Variants in SMOC2 observed in about 807,000 individuals in gnomAD.
SMOC2 encodes the protein SPARC related modular calcium binding 2.
SMOC2 carries 39 observed loss-of-function variants against 61.4 expected under a neutral mutation model. The observed-to-expected ratio is 0.64, with a 90% confidence interval of 0.49 to 0.83. The LOEUF (loss-of-function observed/expected upper bound fraction) is 0.83, where lower values mean the gene tolerates loss of function less well. Ranked by LOEUF, SMOC2 falls within the 40% of genes least tolerant of loss-of-function variation. The pLI, the probability that SMOC2 is intolerant of heterozygous loss-of-function variation, is 0.00. For synonymous variants in SMOC2, 247 were observed against 239.9 expected (o/e 1.03, Z -0.27); for missense variants, 556 against 592.9 (o/e 0.94, Z 0.65).
intron 11 of SMOC2, among the ~76,000 whole-genome samples, chr6:168,659,608 A>C (rs1787432721): frequency 6.7e-6 from 1 of 149,468 alleles, no homozygotes; most frequent in Non-Finnish European, 1.5e-5. Flanking sequence ...GTGAGGGTGG[A>C]GGTTGTAGGC....
At chr6:168,595,004 G>C (rs1428477039) in intron 7 of SMOC2, among the ~76,000 whole-genome samples, 2 of 96,334 alleles carry the variant, frequency 2.1e-5, no homozygotes, top group Non-Finnish European at 4.7e-5. Flanking sequence ...CATCTTTCTA[G>C]AGGATCGCCG....
intron 7 of SMOC2, among the ~76,000 whole-genome samples, chr6:168,574,456 G>T (rs928072214): frequency 2.0e-5 from 3 of 152,246 alleles, no homozygotes; most frequent in Admixed American, 1.3e-4. Context: ...AAATCCCTGG[G>T]AGAGTGAACC....
chr6:168,553,650 A>C lies in SMOC2; in HGVS notation c.637+4447A>C, dbSNP rs1784179534. Among the ~76,000 whole-genome samples the C allele has an allele frequency of 6.6e-6, 1 of 152,196 alleles. No homozygotes were observed. Among genetic ancestry groups the C allele is most frequent in the Admixed American group, 6.5e-5 (1 of 15,276 alleles). ...AGGGTTTCATGACCCATTCATAATAAAACACATCCCCTCTAGACAGAAAAG... is the reference window on the plus strand; with the variant it reads ...AGGGTTTCATGACCCATTCATAATACAACACATCCCCTCTAGACAGAAAAG... On this transcript the variant is annotated intron_variant, in intron 7 of 12. Coordinates refer to ENST00000356284, the MANE Select transcript of SMOC2 (RefSeq NM_001166412.2). This position sits in a 1 kb window ranked among gnomAD's most constrained non-coding sequence, Gnocchi z 4.2.
intron 7 of SMOC2, among the ~76,000 whole-genome samples, chr6:168,587,127 T>G (rs1047145870): frequency 3.9e-5 from 6 of 152,278 alleles, no homozygotes; most frequent in African/African-American, 1.4e-4. Flanking sequence ...ATTTAGGGTA[T>G]AATGCTATTG....
intron 9 of SMOC2, among the ~76,000 whole-genome samples, chr6:168,617,683 T>A (rs753362078): frequency 6.6e-6 from 1 of 152,212 alleles, no homozygotes; most frequent in Non-Finnish European, 1.5e-5. Flanking sequence ...TCCCCATCCA[T>A]GCAGCAAGAA....
intron 8 of SMOC2, among the ~76,000 whole-genome samples, chr6:168,606,165 C>G (rs2115198990): frequency 6.6e-6 from 1 of 152,304 alleles, no homozygotes; most frequent in South Asian, 2.1e-4. Context: ...TGTTTTACTT[C>G]TCACCTGCTG....
chr6:168,476,554 A>G lies in SMOC2; in HGVS notation c.85-33361A>G, dbSNP rs9456122. 4.2e-3 allele frequency among the ~76,000 whole-genome samples: 631 copies of G among 151,932 alleles called. 8 individuals are homozygous for G. Among genetic ancestry groups the G allele is most frequent in the African/African-American group, 0.014 (592 of 41,454 alleles). On this transcript the variant is annotated intron_variant, in intron 1 of 12. Coordinates refer to ENST00000356284, the MANE Select transcript of SMOC2 (RefSeq NM_001166412.2). Reference sequence around the variant, plus strand: ...ATATTCTATATTTGTATTTTAAAATATTTTGTTTGAAAATATATAACAGAT... The same window carrying G: ...ATATTCTATATTTGTATTTTAAAATGTTTTGTTTGAAAATATATAACAGAT...
intron 1 of SMOC2, among the ~76,000 whole-genome samples, chr6:168,478,435 G>A (rs1782137411): frequency 6.6e-6 from 1 of 152,216 alleles, no homozygotes; most frequent in Admixed American, 6.5e-5. Flanking sequence ...GGAGGTCAAT[G>A]TGGGTAAGCA....
intron 7 of SMOC2, among the ~76,000 whole-genome samples, chr6:168,550,174 C>T (rs1204675918): frequency 6.6e-6 from 1 of 152,132 alleles, no homozygotes; most frequent in Non-Finnish European, 1.5e-5. Flanking sequence ...AGGGAAGTAG[C>T]TCTGTAGGTT....
intron 1 of SMOC2, among the ~76,000 whole-genome samples, chr6:168,442,276 G>A (rs1192545091): frequency 6.6e-6 from 1 of 152,260 alleles, no homozygotes; most frequent in Non-Finnish European, 1.5e-5. Context: ...TGACCGCTGT[G>A]TGTTTTTCTT....
chr6:168,521,652 G>A (rs1037245442), intron 2 of SMOC2, among the ~76,000 whole-genome samples: 1 of 152,152 alleles, frequency 6.6e-6, no homozygotes, highest in Non-Finnish European at 1.5e-5. Flanking sequence ...ATTCTGGGAG[G>A]CGGGAGGATT....
Position 168,453,210 on chromosome 6 carries a change from C to T in SMOC2, c.84+11756C>T, listed in dbSNP as rs1181398388. On this transcript the variant is annotated intron_variant, in intron 1 of 12. Coordinates refer to ENST00000356284, the MANE Select transcript of SMOC2 (RefSeq NM_001166412.2). This position sits in a 1 kb window ranked among gnomAD's most constrained non-coding sequence, Gnocchi z 4.4. ...CTCAGGGTGGCCTGACAAATGCGGG[C>T]GGGGGTGGGGGAGGAACTCGGGACC... Among the ~76,000 whole-genome samples, 8 of 31,002 alleles carry T rather than the reference C, an allele frequency of 2.6e-4. No individual in the cohort carries two copies. The South Asian group carries it at 3.3e-3, about 13-fold the overall frequency. The allele number at this position is 31,002 out of a possible 152,430, so 20.3% of individuals were successfully genotyped here.
intron 9 of SMOC2, among the ~76,000 whole-genome samples, chr6:168,608,831 T>G (rs775158439): frequency 1.5e-4 from 23 of 152,226 alleles, no homozygotes; most frequent in Non-Finnish European, 2.8e-4. Flanking sequence ...TTGTTTCATT[T>G]TGATCTTTTT....
rs1784222278 is a variant in SMOC2, at chr6:168,555,318, G to A, written c.637+6115G>A. Among the ~76,000 whole-genome samples, 4 of 152,360 alleles carry A rather than the reference G, an allele frequency of 2.6e-5. No individual in the cohort carries two copies. The South Asian group carries it at 8.3e-4, about 32-fold the overall frequency. On this transcript the variant is annotated intron_variant, in intron 7 of 12. Transcript: ENST00000356284. ...AATTCACCCACTCTTGTCTCCACCC[G>A]TCAAATATCCGGGGTCCTGTGACCT...
intron 9 of SMOC2, among the ~76,000 whole-genome samples, chr6:168,642,362 T>G (rs917544937): frequency 2.0e-5 from 3 of 152,258 alleles, no homozygotes; most frequent in Non-Finnish European, 4.4e-5. Flanking sequence ...ACTCGGTGAC[T>G]GGCACAAGTG....
chr6:168,581,724 A>ATGGGTGATGTGAATGAT (rs1199867065), intron 7 of SMOC2, among the ~76,000 whole-genome samples: 1 of 152,146 alleles, frequency 6.6e-6, no homozygotes, highest in Non-Finnish European at 1.5e-5. Context: ...TTTAGGTGGG[A>ATGGGTGATGTGAATGAT]TGGGTGATGT....
chr6:168,533,402 C>G (rs1038712970), intron 4 of SMOC2, among the ~76,000 whole-genome samples: 6 of 152,204 alleles, frequency 3.9e-5, no homozygotes, highest in Admixed American at 3.9e-4. Context: ...TAGTAGTATC[C>G]TAAATGACTT....
chr6:168,447,950 T>G (rs746891491), intron 1 of SMOC2, among the ~76,000 whole-genome samples: 5 of 152,164 alleles, frequency 3.3e-5, no homozygotes, highest in Admixed American at 1.3e-4. Context: ...AAATCCACCC[T>G]GCATACCAGC....
In SMOC2 at chr6:168,653,152, C is replaced by T. The variant is rs1787239749; in HGVS notation, c.1209C>T (p.Ser403=). 6.2e-7 allele frequency: 1 copy of T among 1,614,152 alleles called. No homozygotes were observed. The highest frequency in any genetic ancestry group is 8.5e-7 in the Non-Finnish European group (1 of 1,180,030). The part of the protein sequence containing the change: ...VEYCDVNNDK[S]ISVQELMGCL... ...ACTGTGACGTGAATAATGACAAATCCATCTCCGTACAAGAACTGATGGGCT... is the reference window on the plus strand; with the variant it reads ...ACTGTGACGTGAATAATGACAAATCTATCTCCGTACAAGAACTGATGGGCT... Residue 403 remains serine, a synonymous_variant, in exon 11 of 13, where the codon TCC becomes TCT. Coordinates refer to ENST00000356284, the MANE Select transcript of SMOC2 (RefSeq NM_001166412.2).
Sources: allele counts gnomAD v4.1 joint callset (sites outside exome capture counted in the v4.1 genomes callset), GRCh38; gene constraint gnomAD v4.1.1; non-coding constraint Gnocchi (gnomAD v3.1); transcripts MANE v1.5; gene names NCBI Gene and HGNC (gene_info 2026-07-23, HGNC 2026-07-21).